The following ARHGAP18 variants were observed in gnomAD, a reference collection of about 807,000 sequenced individuals.
ARHGAP18 encodes Rho GTPase activating protein 18, also known as rho GTPase-activating protein 18.
Under a neutral mutation model 86.2 loss-of-function variants are expected in ARHGAP18, and 67 were observed. The observed-to-expected ratio is 0.78, with a 90% CI of 0.64 to 0.95. The LOEUF is 0.95. ARHGAP18 is among the 40% of genes least tolerant of loss of function. ARHGAP18 has a pLI of 0.00. For synonymous variants in ARHGAP18, 283 were observed against 280.4 expected, an observed-to-expected ratio of 1.01 and a Z score of -0.09; for missense variants, 691 against 780.4, an observed-to-expected ratio of 0.89 and a Z score of 1.37.
chr6:129,661,854 A>G (rs537907579), intron 1 of ARHGAP18: 1 of 985,260 alleles, frequency 1.0e-6, no homozygotes, highest in East Asian at 1.1e-4. Flanking sequence ...CCCAGCGAAC[A>G]ATTTTCCTGG....
chr6:129,657,796 C>T (rs988772428), intron 1 of ARHGAP18, among the ~76,000 whole-genome samples: 4 of 152,176 alleles, frequency 2.6e-5, no homozygotes, highest in Non-Finnish European at 5.9e-5. Flanking sequence ...ATTCATTATG[C>T]CATTTTAAAC....
intron 10 of ARHGAP18, among the ~76,000 whole-genome samples, chr6:129,604,581 C>T (rs781537605): frequency 3.9e-5 from 6 of 152,132 alleles, no homozygotes; most frequent in Non-Finnish European, 5.9e-5. Flanking sequence ...CATGTTAGAT[C>T]GTCAGCCCCA....
chr6:129,654,773 C>CT (rs1221113521), intron 1 of ARHGAP18, among the ~76,000 whole-genome samples: 2 of 152,202 alleles, frequency 1.3e-5, no homozygotes, highest in Non-Finnish European at 2.9e-5. Context: ...CTGGATCCTC[C>CT]TCTCTGCCCA....
intron 3 of ARHGAP18, among the ~76,000 whole-genome samples, chr6:129,637,443 A>C (rs1773357459): frequency 6.6e-6 from 1 of 152,168 alleles, no homozygotes; most frequent in African/African-American, 2.4e-5. Flanking sequence ...CAAGTTAATC[A>C]CCTAGACAAA....
Position 129,687,143 on chromosome 6 carries a change from GCA to G in ARHGAP18, c.113+22879_113+22880del, listed in dbSNP as rs1331057730. The stretch of plus-strand genomic sequence containing the variant: ...CTGGCCATAAAACCATTCTTTGCAA[GCA>G]CAGTTTCATCCCTTTGAGATGACAG... On this transcript the variant is annotated intron_variant, in intron 1 of 14. Coordinates refer to ENST00000368149, the MANE Select transcript of ARHGAP18 (RefSeq NM_033515.3). Among the ~76,000 whole-genome samples, 5 of 151,874 alleles carry G rather than the reference GCA, an allele frequency of 3.3e-5. No homozygotes were observed. In the South Asian group the frequency reaches 6.2e-4, roughly 19 times the overall value.
At chr6:129,610,236 C>A (rs35101259) in intron 8 of ARHGAP18, among the ~76,000 whole-genome samples, 1 of 152,122 alleles carries the variant, frequency 6.6e-6, no homozygotes, top group Non-Finnish European at 1.5e-5. Flanking sequence ...GTATGAGTCC[C>A]CTTTACATTT....
At chr6:129,665,333 C>T (rs538304302) in intron 1 of ARHGAP18, among the ~76,000 whole-genome samples, 1 of 152,262 alleles carries the variant, frequency 6.6e-6, no homozygotes, top group Non-Finnish European at 1.5e-5. Context: ...TCGCTTTGAG[C>T]TCACAAGTTC....
intron 1 of ARHGAP18, among the ~76,000 whole-genome samples, chr6:129,654,527 C>G (rs568016287): frequency 6.6e-6 from 1 of 152,276 alleles, no homozygotes; most frequent in South Asian, 2.1e-4. Flanking sequence ...TCCCACTTAA[C>G]CAAAAGCAAT....
intron 1 of ARHGAP18, among the ~76,000 whole-genome samples, chr6:129,676,128 A>G (rs968229636): frequency 6.6e-6 from 1 of 152,202 alleles, no homozygotes; most frequent in East Asian, 1.9e-4. Context: ...GAATGGTAAG[A>G]AAGGTGGGAG....
intron 9 of ARHGAP18, among the ~76,000 whole-genome samples, chr6:129,606,596 T>A (rs1324432563): frequency 6.6e-6 from 1 of 152,224 alleles, no homozygotes; most frequent in Non-Finnish European, 1.5e-5. Context: ...ATAAATTTGG[T>A]CCTTTAATCC....
At chr6:129,635,661 C>T (rs1262056149) in intron 3 of ARHGAP18, among the ~76,000 whole-genome samples, 1 of 152,198 alleles carries the variant, frequency 6.6e-6, no homozygotes, top group Non-Finnish European at 1.5e-5. Flanking sequence ...CATGAGGAAG[C>T]ATTTAACATG....
At position 129,618,745 on chromosome 6, in the gene ARHGAP18, G is replaced by A; in HGVS notation, c.894C>T (p.Leu298=). 1 of 1,613,614 alleles carries A rather than the reference G, an allele frequency of 6.2e-7. No homozygotes were observed. The highest frequency in any genetic ancestry group is 1.1e-5 in the South Asian group (1 of 91,046). The change falls in exon 6 of 15, where the codon CTC becomes CTT. Residue 298 remains leucine (L), a synonymous_variant. Transcript: ENST00000368149. ...CHLALIELTA[L]YDVLGIELKQ... ...TCAGCTCAATACCCAATACATCATA[G>A]AGGGCAGTCAGCTCAATTAGGGCTA...
At chr6:129,704,453 A>G (rs181994492) in intron 1 of ARHGAP18, among the ~76,000 whole-genome samples, 2 of 152,216 alleles carry the variant, frequency 1.3e-5, no homozygotes, top group African/African-American at 4.8e-5. Context: ...TCTGAAAACA[A>G]AAAACAAACA....
intron 1 of ARHGAP18, among the ~76,000 whole-genome samples, chr6:129,651,461 C>A (rs773412149): frequency 6.6e-6 from 1 of 152,130 alleles, no homozygotes; most frequent in Non-Finnish European, 1.5e-5. Context: ...GAATGCCTTA[C>A]TCTCTGGTTG....
At chr6:129,666,648 T>G (rs752547433) in intron 1 of ARHGAP18, among the ~76,000 whole-genome samples, 3 of 152,208 alleles carry the variant, frequency 2.0e-5, no homozygotes, top group Admixed American at 6.5e-5. Context: ...GCCTCCACCC[T>G]TCCCCAGCTA....
At chr6:129,708,665 G>A (rs1401928731) in intron 1 of ARHGAP18, among the ~76,000 whole-genome samples, 2 of 152,204 alleles carry the variant, frequency 1.3e-5, no homozygotes, top group Non-Finnish European at 1.5e-5. Flanking sequence ...GCCTAAAGTC[G>A]GAGAATGTCC....
chr6:129,632,533 T>C (rs757130640), intron 4 of ARHGAP18, among the ~76,000 whole-genome samples: 52 of 152,092 alleles, frequency 3.4e-4, no homozygotes, highest in Non-Finnish European at 1.9e-4. Flanking sequence ...CAAAACATAT[T>C]GACATTGGCA....
At chr6:129,600,961 A>C (rs1788726841) in intron 10 of ARHGAP18, 113 bp from the exon 11 acceptor site, 1 of 859,022 alleles carries the variant, frequency 1.2e-6, no homozygotes, top group Non-Finnish European at 1.8e-6. Context: ...GTATAAGCAC[A>C]GTCAACTAAT....
At chr6:129,676,499 C>T (rs1034248488) in intron 1 of ARHGAP18, among the ~76,000 whole-genome samples, 1 of 152,164 alleles carries the variant, frequency 6.6e-6, no homozygotes, top group African/African-American at 2.4e-5. Context: ...CCTGGCATCT[C>T]CACAGTTAGA....
Sources: allele counts gnomAD v4.1 joint callset (sites outside exome capture counted in the v4.1 genomes callset), GRCh38; gene constraint gnomAD v4.1.1; transcripts MANE v1.5; gene names NCBI Gene and HGNC (gene_info 2026-07-23, HGNC 2026-07-21).